Variants in CSPP1 observed in about 807,000 individuals in gnomAD.
CSPP1 encodes the protein centrosome and spindle pole-associated protein 1.
CSPP1 carries 126 observed loss-of-function variants against 164.4 expected under a neutral mutation model. That is an observed-to-expected ratio of 0.77 (90% CI 0.66 to 0.89). The LOEUF (loss-of-function observed/expected upper bound fraction) is 0.89. Among genes scored for constraint, CSPP1 ranks in the 40% least tolerant of loss-of-function variants. CSPP1 has a pLI of 0.00. For missense variants in CSPP1, 1,395 were observed against 1,449.8 expected, an observed-to-expected ratio of 0.96 and a Z score of 0.61; for synonymous variants, 472 against 476.7, an observed-to-expected ratio of 0.99 and a Z score of 0.13.
chr8:67,130,269 C>A (rs1820948774), intron 15 of CSPP1, among the ~76,000 whole-genome samples: 1 of 152,140 alleles, frequency 6.6e-6, no homozygotes, highest in African/African-American at 2.4e-5. Context: ...ATCCTTAAAC[C>A]CCCTTTTTGG....
At chr8:67,161,674 A>C (rs1828382058) in intron 21 of CSPP1, 137 bp from the exon 22 acceptor site, 1 of 515,444 alleles carries the variant, frequency 1.9e-6, no homozygotes, top group Admixed American at 3.5e-5. Flanking sequence ...TTTTGTAGAA[A>C]GCATTTTATT....
chr8:67,145,221 T>TTTTA lies in CSPP1; in HGVS notation c.1976-4547_1976-4544dup, dbSNP rs201471019. On this transcript the variant is annotated intron_variant, in intron 17 of 30. Coordinates refer to ENST00000678616, the MANE Select transcript of CSPP1 (RefSeq NM_001382391.1). ...TTGAATCATTCAAGGAAATTATTCA[T>TTTTA]TTTATTTATTTATTTATTGGCATAA... 3.3e-5 allele frequency among the ~76,000 whole-genome samples: 5 copies of TTTTA among 152,272 alleles called. No homozygotes were observed. In the South Asian group the frequency reaches 6.2e-4, roughly 19 times the overall value.
intron 4 of CSPP1, among the ~76,000 whole-genome samples, chr8:67,089,370 T>C (rs970988896): frequency 6.6e-6 from 1 of 152,012 alleles, no homozygotes; most frequent in African/African-American, 2.4e-5. Context: ...CAGACCTCCA[T>C]CCTGAACTTC....
intron 8 of CSPP1, among the ~76,000 whole-genome samples, chr8:67,104,966 ATTTTTTTTT>A (rs1166551719): frequency 2.0e-4 from 12 of 60,746 alleles, no homozygotes; most frequent in African/African-American, 6.9e-4. Context: ...ATATATATAT[ATTTTTTTTT>A]TTTTTTTTTT....
At chr8:67,176,344 AG>A (rs746424313) in intron 26 of CSPP1, among the ~76,000 whole-genome samples, 1 of 152,192 alleles carries the variant, frequency 6.6e-6, no homozygotes, top group Non-Finnish European at 1.5e-5. Context: ...GCAGAATCTG[AG>A]GAAGATTTTT....
In CSPP1 at chr8:67,157,039, T is replaced by C. The variant is rs1431324784; in HGVS notation, c.2242-1408T>C. On this transcript the variant is annotated intron_variant, in intron 19 of 30. Transcript: ENST00000678616. ...AAAAATTGGTATTCTTTGATTTTGA[T>C]GGAAAAGTGACCCCTGTGAATGTGA... is the stretch of plus-strand genomic sequence containing the variant. Among the ~76,000 whole-genome samples the C allele has an allele frequency of 2.6e-5, 4 of 152,128 alleles. No homozygotes were observed. The South Asian group carries it at 8.3e-4, about 32-fold the overall frequency.
intron 15 of CSPP1, among the ~76,000 whole-genome samples, chr8:67,126,171 C>A (rs561684827): frequency 1.3e-5 from 2 of 152,324 alleles, no homozygotes; most frequent in East Asian, 3.9e-4. Flanking sequence ...GTTCTTTCAA[C>A]ATATTTCTGA....
chr8:67,163,089 A>G (rs574044602), intron 22 of CSPP1, among the ~76,000 whole-genome samples: 2 of 152,346 alleles, frequency 1.3e-5, no homozygotes, highest in Admixed American at 1.3e-4. Context: ...AGAGGATGGC[A>G]GTGACGGCAG....
chr8:67,105,371 G>A (rs1815268069), intron 8 of CSPP1, among the ~76,000 whole-genome samples: 1 of 151,842 alleles, frequency 6.6e-6, no homozygotes, highest in Non-Finnish European at 1.5e-5. Context: ...GAAGCAAGCT[G>A]AATGTTTTTG....
In CSPP1 at chr8:67,074,256, G is replaced by C. The variant is rs759493904; in HGVS notation, c.4G>C (p.Ala2Pro). The C allele has an allele frequency of 6.2e-7, 1 of 1,605,362 alleles. No individual in the cohort carries two copies. Among genetic ancestry groups the C allele is most frequent in the Non-Finnish European group, 8.5e-7 (1 of 1,175,310 alleles). The change falls in exon 2 of 31, where the codon GCT (alanine) becomes CCT (proline). Residue 2 changes from alanine (A) to proline (P), a missense_variant. By Grantham distance (27) the Ala-to-Pro change is conservative. Transcript: ENST00000678616. M[A>P]DNLDEFIEEQ... ...TTTTTTTTAAAGAATCTGCAAAATG[G>C]CTGATAATTTGGATGAATTTATTGA...
In CSPP1 at chr8:67,158,970, ATTTCTC is replaced by A. The variant is rs763447128; in HGVS notation, c.2392-17_2392-12del. 34 of 1,568,592 alleles carry A rather than the reference ATTTCTC, an allele frequency of 2.2e-5. No individual in the cohort carries two copies. In the African/African-American group the frequency reaches 4.1e-4, roughly 19 times the overall value. Reference sequence around the variant, plus strand: ...TATAGAAGGAATATATGGAATGCATATTTCTCTTTTTATTTTAAAGCAAAGGCTAAA... The same window carrying A: ...TATAGAAGGAATATATGGAATGCATATTTTTATTTTAAAGCAAAGGCTAAA... On this transcript the variant is annotated splice_polypyrimidine_tract_variant and intron_variant, in intron 20 of 30. Transcript: ENST00000678616.
At chr8:67,158,882 C>A in intron 20 of CSPP1, 109 bp from the exon 21 acceptor site, 1 of 1,007,482 alleles carries the variant, frequency 9.9e-7, no homozygotes, top group Non-Finnish European at 1.5e-6. Flanking sequence ...AACACCATAT[C>A]ATGTCATCTA....
upstream of CSPP1, chr8:67,064,384 G>T: frequency 6.2e-7 from 1 of 1,611,776 alleles, no homozygotes; most frequent in South Asian, 1.1e-5. Flanking sequence ...CGGAGCCCCG[G>T]CCCGGAGGTC....
In CSPP1 at chr8:67,122,874, CTG is replaced by C. The variant is rs34484092; in HGVS notation, c.1697+4073_1697+4074del. Among the ~76,000 whole-genome samples, 1,319 of 149,040 alleles carry C rather than the reference CTG, an allele frequency of 8.8e-3. 9 individuals carry two copies. Among genetic ancestry groups the C allele is most frequent in the African/African-American group, 0.017 (676 of 40,742 alleles). ...GTGTGTTCTGATATACAGTCTTGCT[CTG>C]TGTGTGTGTGTGTGTGTGTTTGTGT... On this transcript the variant is annotated intron_variant, in intron 15 of 30. Coordinates refer to ENST00000678616, the MANE Select transcript of CSPP1 (RefSeq NM_001382391.1).
intron 4 of CSPP1, chr8:67,086,679 G>A: frequency 2.5e-6 from 1 of 396,798 alleles, no homozygotes; most frequent in African/African-American, 2.2e-5. Context: ...TATGATATTT[G>A]TTGTCATCTC....
intron 19 of CSPP1, among the ~76,000 whole-genome samples, chr8:67,155,185 G>T (rs1826442228): frequency 2.0e-5 from 3 of 152,076 alleles, no homozygotes; most frequent in African/African-American, 7.2e-5. Flanking sequence ...ACTTGCTCAT[G>T]AGGGACTCAC....
At chr8:67,093,335 A>C (rs980472551) in intron 5 of CSPP1, among the ~76,000 whole-genome samples, 2 of 152,160 alleles carry the variant, frequency 1.3e-5, no homozygotes, top group African/African-American at 4.8e-5. Flanking sequence ...GACAAGAAAG[A>C]CCTGGGGAGC....
At chr8:67,178,638 A>T (rs1347331596) in intron 27 of CSPP1, among the ~76,000 whole-genome samples, 1 of 152,196 alleles carries the variant, frequency 6.6e-6, no homozygotes, top group Non-Finnish European at 1.5e-5. Flanking sequence ...TGGGTAGGCA[A>T]CATTTGAGTA....
intron 9 of CSPP1, among the ~76,000 whole-genome samples, chr8:67,109,434 C>T (rs1816357391): frequency 6.6e-6 from 1 of 152,186 alleles, no homozygotes; most frequent in South Asian, 2.1e-4. Flanking sequence ...AAGATAATCT[C>T]TCTTTTAATT....
Sources: allele counts gnomAD v4.1 joint callset (sites outside exome capture counted in the v4.1 genomes callset), GRCh38; gene constraint gnomAD v4.1.1; transcripts MANE v1.5; gene names NCBI Gene and HGNC (gene_info 2026-07-23, HGNC 2026-07-21).